The following PTPRD variants were observed in gnomAD, a reference collection of about 807,000 sequenced individuals.
PTPRD encodes protein tyrosine phosphatase receptor type D.
In PTPRD, 34 loss-of-function variants were observed where a neutral mutation model predicts 214.5. The observed-to-expected ratio is 0.16, with a 90% CI of 0.12 to 0.21. The LOEUF (loss-of-function observed/expected upper bound fraction) is 0.21, where lower values mean the gene tolerates loss of function less well. Among genes scored for constraint, PTPRD ranks in the 10% least tolerant of loss-of-function variants. The pLI is 1.00. For missense variants in PTPRD, 2,545 were observed against 2,398.7 expected (o/e 1.06, Z -1.27); for synonymous variants, 1,128 against 845.7 (o/e 1.33, Z -5.79).
chr9:8,620,246 A>C (rs1339593524), intron 14 of PTPRD, among the ~76,000 whole-genome samples: 1 of 151,996 alleles, frequency 6.6e-6, no homozygotes, highest in African/African-American at 2.4e-5. Flanking sequence ...TCATTTGCTC[A>C]TTGAGAAAAG....
chr9:9,246,009 G>C (rs111614584), intron 9 of PTPRD, among the ~76,000 whole-genome samples: 3,436 of 152,130 alleles, frequency 0.023, 140 homozygotes, highest in African/African-American at 0.08. Context: ...CTGATCACTA[G>C]TTTTACTGCA....
intron 36 of PTPRD, among the ~76,000 whole-genome samples, chr9:8,392,831 A>G (rs2090036382): frequency 6.6e-6 from 1 of 152,130 alleles, no homozygotes; most frequent in African/African-American, 2.4e-5. Flanking sequence ...TGAGTCCTGT[A>G]TTCATAAAAC....
At chr9:9,447,048 C>T (rs146841690) in intron 8 of PTPRD, among the ~76,000 whole-genome samples, 57 of 152,194 alleles carry the variant, frequency 3.7e-4, no homozygotes, top group East Asian at 9.7e-4. Context: ...GACAAAGGAA[C>T]GCTATACACT....
At chr9:10,334,078 T>C (rs2096799004) in intron 3 of PTPRD, among the ~76,000 whole-genome samples, 1 of 151,712 alleles carries the variant, frequency 6.6e-6, no homozygotes, top group Non-Finnish European at 1.5e-5. Flanking sequence ...TATAAAATAT[T>C]ATGATATCAA....
At chr9:9,773,630 C>CATG (rs2098771791) in intron 5 of PTPRD, among the ~76,000 whole-genome samples, 1 of 152,136 alleles carries the variant, frequency 6.6e-6, no homozygotes, top group Non-Finnish European at 1.5e-5. Flanking sequence ...CAGTCTAAGC[C>CATG]TTGTTGTACC....
chr9:8,413,969 A>G (rs1413411729), intron 35 of PTPRD, among the ~76,000 whole-genome samples: 5 of 152,130 alleles, frequency 3.3e-5, no homozygotes, highest in Admixed American at 3.3e-4. Context: ...AAATGGAATC[A>G]CTTGAGAACA....
chr9:10,022,884 T>G (rs2096850915), intron 4 of PTPRD, among the ~76,000 whole-genome samples: 1 of 152,182 alleles, frequency 6.6e-6, no homozygotes, highest in South Asian at 2.1e-4. Context: ...ATGGTTGTAA[T>G]TAGGTTGTTC....
chr9:8,428,125 G>C (rs1243131739), intron 35 of PTPRD, among the ~76,000 whole-genome samples: 1 of 152,178 alleles, frequency 6.6e-6, no homozygotes, highest in African/African-American at 2.4e-5. Flanking sequence ...GGTGACCTGA[G>C]CCAAGGGCCT....
intron 8 of PTPRD, among the ~76,000 whole-genome samples, chr9:9,513,797 T>C (rs999064094): frequency 6.6e-6 from 1 of 152,026 alleles, no homozygotes; most frequent in Admixed American, 6.6e-5. Context: ...ATGATAGTCA[T>C]TGAAAGGGCA....
chr9:10,238,880 G>A (rs2099637647), intron 3 of PTPRD, among the ~76,000 whole-genome samples: 1 of 151,860 alleles, frequency 6.6e-6, no homozygotes, highest in South Asian at 2.1e-4. Context: ...CTTCCTAGGG[G>A]AGATTTTGAA....
chr9:8,576,577 T>C (rs2092387518), intron 14 of PTPRD, among the ~76,000 whole-genome samples: 1 of 145,936 alleles, frequency 6.9e-6, no homozygotes, highest in Non-Finnish European at 1.5e-5. Flanking sequence ...TACACCCACA[T>C]ACATGTATAT....
At chr9:8,765,946 G>A (rs1296305753) in intron 11 of PTPRD, among the ~76,000 whole-genome samples, 3 of 151,876 alleles carry the variant, frequency 2.0e-5, no homozygotes, top group East Asian at 1.9e-4. Context: ...GACTCCTCTG[G>A]TCAACAAAAT....
intron 12 of PTPRD, among the ~76,000 whole-genome samples, chr9:8,686,747 T>C (rs2097689182): frequency 6.6e-6 from 1 of 152,162 alleles, no homozygotes; most frequent in Non-Finnish European, 1.5e-5. Context: ...TGGTAAAATA[T>C]TATCCATGAG....
At chr9:9,658,550 C>G (rs1223963864) in intron 7 of PTPRD, among the ~76,000 whole-genome samples, 1 of 152,092 alleles carries the variant, frequency 6.6e-6, no homozygotes, top group Non-Finnish European at 1.5e-5. Flanking sequence ...TGGGAAGCAG[C>G]CTCGATCTCT....
In PTPRD at chr9:8,611,721, A is replaced by C. The variant is rs142107524; in HGVS notation, c.352+21596T>G. Among the ~76,000 whole-genome samples the C allele has an allele frequency of 2.7e-3, 409 of 151,548 alleles. 1 individual carries two copies. Among genetic ancestry groups the C allele is most frequent in the African/African-American group, 9.6e-3 (396 of 41,232 alleles). ...AAGACCCTGTCAAAAGAAAAAAAGA[A>C]AAGACAAAAGAAAAAAGAAAAGAAA... is the stretch of plus-strand genomic sequence containing the variant. On this transcript the variant is annotated intron_variant, in intron 14 of 45. Transcript: ENST00000381196.
At chr9:8,656,675 G>C (rs1350332274) in intron 12 of PTPRD, among the ~76,000 whole-genome samples, 2 of 152,178 alleles carry the variant, frequency 1.3e-5, no homozygotes, top group Non-Finnish European at 2.9e-5. Flanking sequence ...GGTCCAGCTA[G>C]GGAAGCTGAA....
intron 9 of PTPRD, among the ~76,000 whole-genome samples, chr9:9,263,282 G>GT (rs900275180): frequency 2.0e-5 from 3 of 151,360 alleles, no homozygotes; most frequent in Admixed American, 2.0e-4. Flanking sequence ...TTTTATAAAT[G>GT]TTTTTTGAAT....
intron 3 of PTPRD, among the ~76,000 whole-genome samples, chr9:10,255,766 T>A (rs1303267760): frequency 6.6e-6 from 1 of 152,230 alleles, no homozygotes; most frequent in Non-Finnish European, 1.5e-5. Context: ...AATTTCTTTT[T>A]AAATATCCTT....
At chr9:9,987,333 G>A (rs10978149) in intron 4 of PTPRD, among the ~76,000 whole-genome samples, 36,495 of 152,064 alleles carry the variant, frequency 0.24, 4,927 homozygotes, top group Middle Eastern at 0.36. Context: ...AAGACATGCC[G>A]GAGACTGGGC....
Sources: gnomAD v4.1 joint callset for allele counts (sites outside exome capture counted in the v4.1 genomes callset) on GRCh38, gnomAD v4.1.1 for gene constraint, MANE v1.5 for transcripts, NCBI Gene and HGNC (gene_info 2026-07-23, HGNC 2026-07-21) for gene names.